EFCAB6: variants seen among roughly 807,000 people sequenced by gnomAD.
EFCAB6 encodes the protein EF-hand calcium binding domain 6.
A neutral mutation model predicts 169.8 loss-of-function variants in EFCAB6; 156 were observed. The observed-to-expected ratio is 0.92, with a 90% CI of 0.81 to 1.05. The LOEUF is 1.05. Ranked by LOEUF, EFCAB6 falls within the 50% of genes least tolerant of loss-of-function variation. EFCAB6 has a pLI of 0.00. For missense variants in EFCAB6, 1,800 were observed against 1,829.1 expected, an observed-to-expected ratio of 0.98 and a Z score of 0.29; for synonymous variants, 698 against 676.4, an observed-to-expected ratio of 1.03 and a Z score of -0.50.
intron 23 of EFCAB6, among the ~76,000 whole-genome samples, chr22:43,593,396 G>A (rs184431196): frequency 6.6e-6 from 1 of 152,278 alleles, no homozygotes; most frequent in East Asian, 1.9e-4. Context: ...GAGTTCCCAG[G>A]ATGCACGGTT....
intron 25 of EFCAB6, among the ~76,000 whole-genome samples, chr22:43,579,000 G>T (rs34692387): frequency 4.6e-4 from 63 of 138,324 alleles, no homozygotes; most frequent in Middle Eastern, 8.4e-3. Flanking sequence ...GCATCATTCC[G>T]TACACGCAGG....
In EFCAB6 at chr22:43,744,953, G is replaced by A. The variant is rs758677543; in HGVS notation, c.508-8960C>T. 1.9e-4 allele frequency among the ~76,000 whole-genome samples: 29 copies of A among 152,150 alleles called. No individual in the cohort carries two copies. Among genetic ancestry groups the A allele is most frequent in the African/African-American group, 2.7e-4 (11 of 41,438 alleles). On this transcript the variant is annotated intron_variant, in intron 6 of 31. Transcript: ENST00000262726. The surrounding 1 kb of genome is among the most constrained non-coding windows in gnomAD (Gnocchi z 4.3). ...CACACTTGAGGTTTAAACTGAACTC[G>A]CCTGCACTGGACCTGTTTAGACCTA...
At chr22:43,732,824 T>C (rs2060002976) in intron 7 of EFCAB6, among the ~76,000 whole-genome samples, 1 of 152,160 alleles carries the variant, frequency 6.6e-6, no homozygotes, top group Non-Finnish European at 1.5e-5. Context: ...TAAAATAAAT[T>C]TTCTATTATT....
intron 20 of EFCAB6, among the ~76,000 whole-genome samples, chr22:43,622,764 T>A (rs1015757142): frequency 6.6e-6 from 1 of 152,088 alleles, no homozygotes; most frequent in East Asian, 1.9e-4. Context: ...GAGAGAGAGA[T>A]AACAACAAGA....
chr22:43,590,148 T>C lies in EFCAB6; in HGVS notation c.2958A>G (p.Ile986Met). The C allele has an allele frequency of 1.2e-6, 2 of 1,614,196 alleles. No homozygotes were observed. The highest frequency in any genetic ancestry group is 1.7e-6 in the Non-Finnish European group (2 of 1,180,028). The change falls in exon 24 of 32, where the codon ATA (isoleucine) becomes ATG (methionine). Residue 986 changes from isoleucine to methionine, a missense_variant. By Grantham distance (10) the Ile-to-Met change is conservative (BLOSUM62 1). Coordinates refer to ENST00000262726, the MANE Select transcript of EFCAB6 (RefSeq NM_022785.4). ...TDQSKTNYIS[I>M]CKMQEVLEEC... ...CTTCCAGCACTTCCTGCATCTTGCA[T>C]ATGGATATGTAGTTGGTTTTGGATT...
At chr22:43,597,545 A>G (rs751286962) in intron 23 of EFCAB6, among the ~76,000 whole-genome samples, 2 of 152,244 alleles carry the variant, frequency 1.3e-5, no homozygotes, top group Non-Finnish European at 2.9e-5. Flanking sequence ...CCACAATGAG[A>G]TATCATCTCA....
intron 17 of EFCAB6, among the ~76,000 whole-genome samples, chr22:43,640,337 C>G (rs889499726): frequency 6.6e-6 from 1 of 152,078 alleles, no homozygotes; most frequent in Admixed American, 6.6e-5. Flanking sequence ...TTCATGTGTT[C>G]GAGCAGGCAG....
intron 26 of EFCAB6, among the ~76,000 whole-genome samples, chr22:43,567,449 C>T (rs62226970): frequency 0.063 from 9,567 of 152,124 alleles, 368 homozygotes; most frequent in Admixed American, 0.097. Context: ...ATGCACTCAC[C>T]GAAATAGGAT....
At chr22:43,765,616 T>C (rs985785202) in intron 4 of EFCAB6, among the ~76,000 whole-genome samples, 2 of 152,186 alleles carry the variant, frequency 1.3e-5, no homozygotes, top group African/African-American at 4.8e-5. Context: ...AATGCCAGTC[T>C]GTGCCCAACT....
chr22:43,582,337 CACAT>C (rs982201523), intron 24 of EFCAB6, among the ~76,000 whole-genome samples: 5 of 121,630 alleles, frequency 4.1e-5, no homozygotes, highest in African/African-American at 1.6e-4. Context: ...CCTTTCTATA[CACAT>C]ACACACACAC....
At chr22:43,790,081 C>A (rs373815503) in intron 2 of EFCAB6, among the ~76,000 whole-genome samples, 7 of 152,234 alleles carry the variant, frequency 4.6e-5, no homozygotes, top group Admixed American at 6.5e-5. Flanking sequence ...TGCAAGAAAT[C>A]CACATTGGCT....
Position 43,812,207 on chromosome 22 carries a change from A to C in EFCAB6, c.-184T>G, listed in dbSNP as rs1390125944. ...CGATTCTCCGCCTAGCTGGGCCGGCACCCGCGTGCGCGGACCCCAAGCCGC... is the reference window on the plus strand; with the variant it reads ...CGATTCTCCGCCTAGCTGGGCCGGCCCCCGCGTGCGCGGACCCCAAGCCGC... On this transcript the variant is annotated 5_prime_UTR_variant, in exon 1 of 32. Coordinates refer to ENST00000262726, the MANE Select transcript of EFCAB6 (RefSeq NM_022785.4). 3.3e-5 allele frequency: 5 copies of C among 151,396 alleles called. No individual in the cohort carries two copies. The highest frequency in any genetic ancestry group is 3.3e-4 in the Admixed American group (5 of 15,238). The allele number at this position is 151,396 out of a possible 1,614,324, so 9.4% of individuals were successfully genotyped here. A position where few individuals can be genotyped will look rare whatever the true frequency, so the allele number is the denominator to read the frequency against.
chr22:43,601,741 T>C (rs1357539907), intron 22 of EFCAB6, among the ~76,000 whole-genome samples: 1 of 152,250 alleles, frequency 6.6e-6, no homozygotes, highest in Non-Finnish European at 1.5e-5. Context: ...GATAGACGTT[T>C]GGGTAAATGT....
intron 9 of EFCAB6, among the ~76,000 whole-genome samples, chr22:43,713,383 A>T: frequency 6.6e-6 from 1 of 152,364 alleles, no homozygotes; most frequent in Non-Finnish European, 1.5e-5. Context: ...TAAAATATAA[A>T]AGGCTGTTCA....
intron 24 of EFCAB6, among the ~76,000 whole-genome samples, chr22:43,589,631 T>C (rs2147393527): frequency 6.6e-6 from 1 of 152,146 alleles, no homozygotes; most frequent in Middle Eastern, 3.4e-3. Context: ...CTACTAAAAA[T>C]ACAAAAATTG....
At chr22:43,695,324 T>G (rs1275960423) in intron 10 of EFCAB6, among the ~76,000 whole-genome samples, 1 of 151,942 alleles carries the variant, frequency 6.6e-6, no homozygotes, top group African/African-American at 2.4e-5. Context: ...TTGTAAACAA[T>G]AAAACTTTGA....
At position 43,572,737 on chromosome 22, in the gene EFCAB6, C is replaced by T. The variant is rs1249863395; in HGVS notation, c.3420+3560G>A. ...CTGCTCTGCTCCATTTTTCTCCCAGCTGCTGCTGGAACCTGACATGTGACG... is the reference window on the plus strand; with the variant it reads ...CTGCTCTGCTCCATTTTTCTCCCAGTTGCTGCTGGAACCTGACATGTGACG... On this transcript the variant is annotated intron_variant, in intron 26 of 31. Transcript: ENST00000262726. This position sits in a 1 kb window ranked among gnomAD's most constrained non-coding sequence, Gnocchi z 4.0. 1.3e-5 allele frequency among the ~76,000 whole-genome samples: 2 copies of T among 152,236 alleles called. No homozygotes were observed. Among genetic ancestry groups the T allele is most frequent in the African/African-American group, 4.8e-5 (2 of 41,458 alleles).
chr22:43,668,264 T>C (rs1415224570), intron 16 of EFCAB6, among the ~76,000 whole-genome samples: 3 of 152,252 alleles, frequency 2.0e-5, no homozygotes, highest in Admixed American at 6.5e-5. Context: ...CCTTTCATTA[T>C]GAATTTATTA....
chr22:43,750,560 A>G (rs531832610), intron 6 of EFCAB6, among the ~76,000 whole-genome samples: 5 of 152,218 alleles, frequency 3.3e-5, no homozygotes, highest in Admixed American at 2.6e-4. Context: ...AGAGCTGATG[A>G]AAGTAGGATT....
Sources: allele counts gnomAD v4.1 joint callset (sites outside exome capture counted in the v4.1 genomes callset), GRCh38; gene constraint gnomAD v4.1.1; non-coding constraint Gnocchi (gnomAD v3.1); transcripts MANE v1.5; gene names NCBI Gene and HGNC (gene_info 2026-07-23, HGNC 2026-07-21).